The following PCDHA11 variants were observed in gnomAD, a reference collection of about 807,000 sequenced individuals.
PCDHA11 encodes protocadherin alpha-11.
In PCDHA11, 61 loss-of-function variants were observed where a neutral mutation model predicts 70.3. That is an observed-to-expected ratio of 0.87 (90% CI 0.71 to 1.07). The LOEUF is 1.07. Among genes scored for constraint, PCDHA11 ranks in the 50% least tolerant of loss-of-function variants. The pLI, the probability that PCDHA11 is intolerant of heterozygous loss-of-function variation, is 0.00. For synonymous variants in PCDHA11, 633 were observed against 555.1 expected (o/e 1.14, Z -1.97); for missense variants, 1,324 against 1,237.5 (o/e 1.07, Z -1.05).
intron 1 of PCDHA11, among the ~76,000 whole-genome samples, chr5:140,934,548 ATT>A (rs1290393008): frequency 1.3e-5 from 2 of 152,018 alleles, no homozygotes; most frequent in African/African-American, 2.4e-5. Context: ...TAATTCTATC[ATT>A]TCTTCTTTTT....
chr5:140,962,516 A>C (rs1554226093), intron 1 of PCDHA11, among the ~76,000 whole-genome samples: 1 of 152,208 alleles, frequency 6.6e-6, no homozygotes, highest in Non-Finnish European at 1.5e-5. Flanking sequence ...ACTATCAATA[A>C]TATATTAGTT....
chr5:141,009,580 G>A (rs1554262213), intron 3 of PCDHA11, 47 bp from the exon 4 acceptor site: 1 of 1,588,170 alleles, frequency 6.3e-7, no homozygotes, highest in South Asian at 1.2e-5. Flanking sequence ...GTGGCATCAA[G>A]AGCATGTGTT....
intron 1 of PCDHA11, among the ~76,000 whole-genome samples, chr5:140,896,631 C>A (rs1583239619): frequency 6.6e-6 from 1 of 152,014 alleles, no homozygotes; most frequent in East Asian, 1.9e-4. Context: ...CCTGCCTTGG[C>A]CTCCCAAAGT....
At chr5:140,967,362 C>A (rs1385889243) in intron 1 of PCDHA11, 2 of 1,607,452 alleles carry the variant, frequency 1.2e-6, no homozygotes, top group East Asian at 2.2e-5. Flanking sequence ...GACCTTAAGC[C>A]CCTGCAGGAG....
At chr5:140,882,339 G>A (rs1554173610) in intron 1 of PCDHA11, 1 of 1,614,162 alleles carries the variant, frequency 6.2e-7, no homozygotes, top group Admixed American at 1.7e-5. Flanking sequence ...CTCGCAGCCT[G>A]GGAGACGGGT....
At chr5:140,876,906 G>T (rs782762108) in intron 1 of PCDHA11, 13 of 1,613,908 alleles carry the variant, frequency 8.1e-6, no homozygotes, top group South Asian at 2.2e-5. Flanking sequence ...TCACGGTGTC[G>T]GCATGGGACG....
chr5:140,929,326 G>A, intron 1 of PCDHA11: 1 of 1,538,470 alleles, frequency 6.5e-7, no homozygotes. Context: ...CAATGCCATG[G>A]TAAGCAAATT....
chr5:140,903,415 A>T (rs1303652958), intron 1 of PCDHA11, among the ~76,000 whole-genome samples: 1 of 152,238 alleles, frequency 6.6e-6, no homozygotes, highest in East Asian at 1.9e-4. Flanking sequence ...GTCAGGAAAA[A>T]TTCAGCACAA....
chr5:140,917,223 C>G (rs1351907671), intron 1 of PCDHA11, among the ~76,000 whole-genome samples: 3 of 150,934 alleles, frequency 2.0e-5, no homozygotes, highest in African/African-American at 7.3e-5. Context: ...TTTAGTGATA[C>G]GTTGTTAAAT....
chr5:140,951,252 A>G (rs568359458), intron 1 of PCDHA11, among the ~76,000 whole-genome samples: 1 of 151,856 alleles, frequency 6.6e-6, no homozygotes, highest in African/African-American at 2.4e-5. Context: ...AATGCATCAC[A>G]TTTTTCTGGT....
chr5:140,931,319 T>A (rs1237988294), intron 1 of PCDHA11, among the ~76,000 whole-genome samples: 3 of 152,086 alleles, frequency 2.0e-5, no homozygotes, highest in Non-Finnish European at 4.4e-5. Flanking sequence ...ATACCAGTAA[T>A]GGCTGTAAAG....
rs183311315 is a variant in PCDHA11, at chr5:140,913,513, T to C, written c.2391+42019T>C. ...AGTCTGTTTAAAACTTTGTCAATTTTATTTATCTTTTCAAAAGATTGACTT... is the reference window on the plus strand; with the variant it reads ...AGTCTGTTTAAAACTTTGTCAATTTCATTTATCTTTTCAAAAGATTGACTT... On this transcript the variant is annotated intron_variant, in intron 1 of 3. Coordinates refer to ENST00000398640, the MANE Select transcript of PCDHA11 (RefSeq NM_018902.5). Among the ~76,000 whole-genome samples, 393 of 152,272 alleles carry C rather than the reference T, an allele frequency of 2.6e-3. 2 individuals are homozygous for C. The highest frequency in any genetic ancestry group is 9.2e-3 in the African/African-American group (382 of 41,572).
In PCDHA11 at chr5:140,869,770, A is replaced by G; in HGVS notation, c.667A>G (p.Thr223Ala). 1 of 1,613,216 alleles carries G rather than the reference A, an allele frequency of 6.2e-7. No individual in the cohort carries two copies. The highest frequency in any genetic ancestry group is 1.1e-5 in the South Asian group (1 of 91,062). The change falls in exon 1 of 4, where the codon ACT (threonine) becomes GCT (alanine). Residue 223 changes from threonine (T) to alanine (A), a missense_variant. By Grantham distance (58) the Thr-to-Ala change is moderately conservative. Coordinates refer to ENST00000398640, the MANE Select transcript of PCDHA11 (RefSeq NM_018902.5). ...TACAGACGGGGGAAAACCAGAGCTT[A>G]CTGGCACCGTTCGGCTGTTAGTCCA... ...TATDGGKPEL[T>A]GTVRLLVQVL...
intron 1 of PCDHA11, among the ~76,000 whole-genome samples, chr5:140,945,145 T>C (rs1310475283): frequency 2.6e-5 from 4 of 152,128 alleles, no homozygotes; most frequent in African/African-American, 2.4e-5. Flanking sequence ...CAATAGCATT[T>C]CTATACACTA....
intron 1 of PCDHA11, among the ~76,000 whole-genome samples, chr5:140,964,719 C>T (rs1042863318): frequency 1.3e-5 from 2 of 151,420 alleles, no homozygotes; most frequent in Non-Finnish European, 2.9e-5. Flanking sequence ...ATCAAATTAC[C>T]ACAGCAAACT....
At chr5:140,875,474 T>C (rs1369376569) in intron 1 of PCDHA11, 1 of 1,606,582 alleles carries the variant, frequency 6.2e-7, no homozygotes, top group Non-Finnish European at 8.5e-7. Flanking sequence ...TTTTCTGCAA[T>C]GGTGATTATC....
At chr5:140,930,175 G>A (rs1554207630) in intron 1 of PCDHA11, 2 of 152,134 alleles carry the variant, frequency 1.3e-5, no homozygotes, top group African/African-American at 4.8e-5. Context: ...TTACAAAGAG[G>A]AAAGATGAGT....
chr5:140,902,140 G>A (rs1156661388), intron 1 of PCDHA11, among the ~76,000 whole-genome samples: 2 of 151,048 alleles, frequency 1.3e-5, no homozygotes, highest in African/African-American at 4.9e-5. Context: ...CTGCAAACAA[G>A]GATAATTTGA....
chr5:140,953,444 G>C (rs2094887278), intron 1 of PCDHA11, among the ~76,000 whole-genome samples: 1 of 152,088 alleles, frequency 6.6e-6, no homozygotes, highest in South Asian at 2.1e-4. Context: ...GGAGAAACTA[G>C]GGATTATCTG....
Sources: allele counts gnomAD v4.1 joint callset (sites outside exome capture counted in the v4.1 genomes callset), GRCh38; gene constraint gnomAD v4.1.1; transcripts MANE v1.5; gene names NCBI Gene and HGNC (gene_info 2026-07-23, HGNC 2026-07-21).